Variants in LRRTM4 observed in about 807,000 individuals in gnomAD.
The protein encoded by LRRTM4 is leucine-rich repeat transmembrane neuronal protein 4.
Under a neutral mutation model 47.6 loss-of-function variants are expected in LRRTM4, and 25 were observed. The ratio of observed to expected loss-of-function variants is 0.53; its 90% confidence interval spans 0.38 to 0.73. LRRTM4 has a LOEUF of 0.73. LRRTM4 is among the 30% of genes least tolerant of loss of function. LRRTM4 has a pLI of 0.00. For missense variants in LRRTM4, 638 were observed against 713.4 expected, an observed-to-expected ratio of 0.89 and a Z score of 1.20; for synonymous variants, 311 against 269.5, an observed-to-expected ratio of 1.15 and a Z score of -1.51.
chr2:76,943,789 G>A (rs1264487459), intron 3 of LRRTM4, among the ~76,000 whole-genome samples: 1 of 152,120 alleles, frequency 6.6e-6, no homozygotes, highest in Non-Finnish European at 1.5e-5. Flanking sequence ...ATCCACTCAT[G>A]TGTTTAAGCC....
intron 3 of LRRTM4, among the ~76,000 whole-genome samples, chr2:77,456,239 C>T (rs1295774792): frequency 1.3e-5 from 2 of 152,152 alleles, no homozygotes; most frequent in African/African-American, 2.4e-5. Context: ...ATTTACTATG[C>T]TACCCTAAAA....
chr2:77,195,852 A>T (rs974576798), intron 3 of LRRTM4, among the ~76,000 whole-genome samples: 3 of 152,134 alleles, frequency 2.0e-5, no homozygotes, highest in Non-Finnish European at 4.4e-5. Context: ...ATGAGTCCCA[A>T]GGTTCAAACA....
chr2:77,414,325 C>T (rs564989450), intron 3 of LRRTM4, among the ~76,000 whole-genome samples: 1 of 152,234 alleles, frequency 6.6e-6, no homozygotes, highest in South Asian at 2.1e-4. Flanking sequence ...CAAACAGCTA[C>T]ACAGAGAGTT....
intron 3 of LRRTM4, among the ~76,000 whole-genome samples, chr2:76,979,262 G>A (rs1483812945): frequency 2.6e-5 from 4 of 151,972 alleles, no homozygotes; most frequent in Admixed American, 2.0e-4. Context: ...ACAAGAACAA[G>A]TAGGGTGTCT....
rs546232734 is a variant in LRRTM4 at position 77,385,124 on chromosome 2, G to A, written c.1551+133194C>T. 2.7e-4 allele frequency among the ~76,000 whole-genome samples: 41 copies of A among 152,148 alleles called. 1 individual carries two copies. The highest frequency in any genetic ancestry group is 8.2e-4 in the African/African-American group (34 of 41,540). ...ATTGTAACATATTTTACAAAGTAAC[G>A]ATCACCAATCACAGTGAATATCTGT... On this transcript the variant is annotated intron_variant, in intron 3 of 3. Transcript: ENST00000409884.
At chr2:76,807,437 C>CACATATAT (rs1558667459) in intron 3 of LRRTM4, among the ~76,000 whole-genome samples, 42 of 34,274 alleles carry the variant, frequency 1.2e-3, no homozygotes, top group African/African-American at 5.1e-3. Context: ...TATATATATA[C>CACATATAT]GTATATACAT....
intron 3 of LRRTM4, chr2:77,517,095 G>A (rs572106176): frequency 1.0e-6 from 1 of 985,074 alleles, no homozygotes; most frequent in African/African-American, 1.7e-5. Flanking sequence ...GGCCTTAGTA[G>A]TCAGTCTTTG....
chr2:76,976,042 T>C (rs1446712), intron 3 of LRRTM4, among the ~76,000 whole-genome samples: 85,613 of 151,524 alleles, frequency 0.57, 25,973 homozygotes, highest in African/African-American at 0.78. Context: ...GAATTATAAC[T>C]TTCCTTATGA....
chr2:77,230,230 C>T (rs563430815), intron 3 of LRRTM4, among the ~76,000 whole-genome samples: 2 of 152,210 alleles, frequency 1.3e-5, no homozygotes, highest in Admixed American at 1.3e-4. Context: ...TATTAACCTA[C>T]CATTATTAAT....
intron 3 of LRRTM4, among the ~76,000 whole-genome samples, chr2:77,420,948 A>G (rs112595851): frequency 0.014 from 2,145 of 149,436 alleles, 68 homozygotes; most frequent in African/African-American, 0.05. Context: ...TCTGAATTAT[A>G]TTTCCTAGTG....
intron 3 of LRRTM4, among the ~76,000 whole-genome samples, chr2:76,778,024 G>T (rs1311478284): frequency 6.8e-6 from 1 of 148,038 alleles, no homozygotes; most frequent in Non-Finnish European, 1.5e-5. Flanking sequence ...TAATCATGTG[G>T]TTTTTGTCTT....
intron 3 of LRRTM4, among the ~76,000 whole-genome samples, chr2:77,260,697 A>C (rs543108658): frequency 7.0e-6 from 1 of 143,582 alleles, no homozygotes; most frequent in African/African-American, 3.0e-5. Context: ...CTGTCAAAAC[A>C]TAGCATTTTT....
intron 3 of LRRTM4, among the ~76,000 whole-genome samples, chr2:76,897,028 A>G (rs749828744): frequency 6.6e-6 from 1 of 151,996 alleles, no homozygotes; most frequent in Non-Finnish European, 1.5e-5. Flanking sequence ...GAAGCCCAGC[A>G]TACTTTGTAA....
intron 3 of LRRTM4, among the ~76,000 whole-genome samples, chr2:76,885,896 G>T (rs1179555254): frequency 1.3e-5 from 2 of 151,796 alleles, no homozygotes; most frequent in South Asian, 2.1e-4. Flanking sequence ...TAAAAAAAAA[G>T]ACATGAATCT....
intron 3 of LRRTM4, among the ~76,000 whole-genome samples, chr2:77,212,221 A>G (rs1473312658): frequency 6.6e-6 from 1 of 152,010 alleles, no homozygotes; most frequent in African/African-American, 2.4e-5. Context: ...TAGTTAACAA[A>G]ATACTATGTT....
intron 3 of LRRTM4, among the ~76,000 whole-genome samples, chr2:77,071,517 G>T (rs546876928): frequency 1.3e-5 from 2 of 152,060 alleles, no homozygotes; most frequent in Admixed American, 1.3e-4. Context: ...TTAGAATCTT[G>T]CTCCTGAATT....
In LRRTM4 at chr2:77,362,119, A is replaced by AAGAG. The variant is rs1672243258; in HGVS notation, c.1551+156198_1551+156199insCTCT. 5.9e-5 allele frequency among the ~76,000 whole-genome samples: 6 copies of AAGAG among 101,998 alleles called. No individual in the cohort carries two copies. The South Asian group carries it at 1.4e-3, about 23-fold the overall frequency. 66.9% of individuals were successfully genotyped at this position (101,998 alleles called of 152,430 possible). ...GGAAAAGGAAAGAAAGAAAGAGAGAAAGAAAGAAAGAAAGAAAGAAAGAAA... is the reference window on the plus strand; with the variant it reads ...GGAAAAGGAAAGAAAGAAAGAGAGAAAGAGAGAAAGAAAGAAAGAAAGAAAGAAA... On this transcript the variant is annotated intron_variant, in intron 3 of 3. Transcript: ENST00000409884.
At position 77,252,526 on chromosome 2, in the gene LRRTM4, T is replaced by C. The variant is rs1345316858; in HGVS notation, c.1551+265792A>G. On this transcript the variant is annotated intron_variant, in intron 3 of 3. Transcript: ENST00000409884. ...AAGTCTTTTTAGATTTTAGGGCCTC[T>C]GAATCAGAAAAGAAAATTAAAGTGA... Among the ~76,000 whole-genome samples, 4 of 139,984 alleles carry C rather than the reference T, an allele frequency of 2.9e-5. No individual in the cohort carries two copies. In the East Asian group the frequency reaches 8.0e-4, roughly 28 times the overall value. 91.8% of individuals were successfully genotyped at this position (139,984 alleles called of 152,430 possible). A position where few individuals can be genotyped will look rare whatever the true frequency, so the allele number is the denominator to read the frequency against.
At chr2:76,964,508 C>T (rs1311213823) in intron 3 of LRRTM4, among the ~76,000 whole-genome samples, 3 of 150,670 alleles carry the variant, frequency 2.0e-5, no homozygotes, top group African/African-American at 7.3e-5. Context: ...TTTTCCTGTT[C>T]CTAAGTAAAG....
Sources: allele counts gnomAD v4.1 joint callset (sites outside exome capture counted in the v4.1 genomes callset), GRCh38; gene constraint gnomAD v4.1.1; transcripts MANE v1.5; gene names NCBI Gene and HGNC (gene_info 2026-07-23, HGNC 2026-07-21).